SDCCAG8: variants seen among roughly 807,000 people sequenced by gnomAD.
The protein encoded by SDCCAG8 is serologically defined colon cancer antigen 8.
SDCCAG8 carries 74 observed loss-of-function variants against 101.8 expected under a neutral mutation model. The observed-to-expected ratio is 0.73, with a 90% CI of 0.60 to 0.88. SDCCAG8 has a LOEUF of 0.88. SDCCAG8 is among the 40% of genes least tolerant of loss of function. SDCCAG8 has a pLI of 0.00. For synonymous variants in SDCCAG8, 281 were observed against 292.9 expected (o/e 0.96, Z 0.41); for missense variants, 787 against 822.6 (o/e 0.96, Z 0.53).
At chr1:243,456,453 G>A (rs550993107) in intron 16 of SDCCAG8, among the ~76,000 whole-genome samples, 2 of 152,312 alleles carry the variant, frequency 1.3e-5, no homozygotes, top group South Asian at 4.1e-4. Flanking sequence ...TAGTGGCAGA[G>A]TAAATAGTAT....
chr1:243,286,664 A>G (rs1284608612), intron 5 of SDCCAG8, among the ~76,000 whole-genome samples: 4 of 152,186 alleles, frequency 2.6e-5, no homozygotes, highest in Admixed American at 2.6e-4. Context: ...GAAAGCAGGA[A>G]GTGTGTTATA....
At chr1:243,282,756 C>T (rs1250305592) in intron 4 of SDCCAG8, among the ~76,000 whole-genome samples, 4 of 152,114 alleles carry the variant, frequency 2.6e-5, no homozygotes, top group Admixed American at 2.0e-4. Context: ...CCTGTTTGCA[C>T]GGCTTCTGCA....
At chr1:243,394,881 T>G (rs1246253507) in intron 13 of SDCCAG8, among the ~76,000 whole-genome samples, 1 of 151,980 alleles carries the variant, frequency 6.6e-6, no homozygotes, top group African/African-American at 2.4e-5. Flanking sequence ...AAAATTTGTG[T>G]TTCAGGTGTT....
intron 17 of SDCCAG8, among the ~76,000 whole-genome samples, chr1:243,498,519 T>TCTAA (rs200884827): frequency 0.013 from 2,001 of 152,278 alleles, 43 homozygotes; most frequent in African/African-American, 0.046. Flanking sequence ...CCCCACCTAC[T>TCTAA]CTAACTACCC....
chr1:243,303,483 A>G (rs1039782987), intron 6 of SDCCAG8, among the ~76,000 whole-genome samples: 1 of 152,136 alleles, frequency 6.6e-6, no homozygotes, highest in Admixed American at 6.6e-5. Context: ...TGCCTCTGCC[A>G]TCCCTGAGAA....
intron 16 of SDCCAG8, chr1:243,476,417 T>C (rs1664845700): frequency 1.1e-6 from 1 of 942,616 alleles, no homozygotes; most frequent in Non-Finnish European, 1.3e-6. Context: ...CCCAATCTTA[T>C]GCCATCACAC....
At chr1:243,274,883 A>G (rs2068407521) in intron 4 of SDCCAG8, among the ~76,000 whole-genome samples, 1 of 152,164 alleles carries the variant, frequency 6.6e-6, no homozygotes, top group Admixed American at 6.5e-5. Flanking sequence ...GTTCATTACT[A>G]TGTCTAATGA....
intron 9 of SDCCAG8, among the ~76,000 whole-genome samples, chr1:243,317,205 A>T (rs1302817281): frequency 6.6e-6 from 1 of 152,166 alleles, no homozygotes; most frequent in African/African-American, 2.4e-5. Flanking sequence ...ACACCCAGGC[A>T]TTAGTTTGTA....
At chr1:243,391,060 A>T (rs915020671) in intron 13 of SDCCAG8, among the ~76,000 whole-genome samples, 11 of 152,162 alleles carry the variant, frequency 7.2e-5, no homozygotes, top group Admixed American at 5.2e-4. Context: ...GAGCCTTTCA[A>T]GTAGCTGGGA....
chr1:243,332,305 A>G (rs2074666202), intron 10 of SDCCAG8, among the ~76,000 whole-genome samples: 1 of 152,216 alleles, frequency 6.6e-6, no homozygotes, highest in Non-Finnish European at 1.5e-5. Flanking sequence ...AAGCCATTGA[A>G]TGGCTTTGAA....
At chr1:243,344,364 A>G (rs182468265) in intron 12 of SDCCAG8, 33 bp downstream of exon 12, 5 of 1,343,668 alleles carry the variant, frequency 3.7e-6, no homozygotes, top group Non-Finnish European at 5.3e-6. Context: ...TGCAGCAATT[A>G]TAGATATGAG....
rs1448626324 is a variant in SDCCAG8 at position 243,415,794 on chromosome 1, A to G, written c.1709A>G (p.Lys570Arg). Residue 570 changes from lysine (K) to arginine (R), a missense_variant, in exon 14 of 18, where the codon AAG becomes AGG. Lys to Arg is a conservative substitution (Grantham distance 26). Coordinates refer to ENST00000366541, the MANE Select transcript of SDCCAG8 (RefSeq NM_006642.5). ...AQQREQELTQKIQQMEAQHDK... is the reference protein window; with the variant it reads ...AQQREQELTQRIQQMEAQHDK... Reference sequence around the variant, plus strand: ...CAAAGAGAGCAGGAGCTGACACAGAAGATACAGCAAATGGAGGCCCAGCAT... The same window carrying G: ...CAAAGAGAGCAGGAGCTGACACAGAGGATACAGCAAATGGAGGCCCAGCAT... The G allele has an allele frequency of 2.5e-6, 4 of 1,613,738 alleles. No individual in the cohort carries two copies. The highest frequency in any genetic ancestry group is 3.4e-6 in the Non-Finnish European group (4 of 1,179,772).
At chr1:243,284,465 G>A (rs377258249) in intron 4 of SDCCAG8, among the ~76,000 whole-genome samples, 4 of 152,170 alleles carry the variant, frequency 2.6e-5, no homozygotes, top group South Asian at 2.1e-4. Context: ...AGAGGGAAGC[G>A]TTCAATAGTC....
chr1:243,452,108 G>A lies in SDCCAG8; in HGVS notation c.1985+25550G>A, dbSNP rs538501245. The stretch of plus-strand genomic sequence containing the variant: ...TACACCTGCGTGTGCATGCTCAGGC[G>A]TTTCCATGTGTGTGCACACACAGAC... On this transcript the variant is annotated intron_variant, in intron 16 of 17. Coordinates refer to ENST00000366541, the MANE Select transcript of SDCCAG8 (RefSeq NM_006642.5). Among the ~76,000 whole-genome samples, 159 of 152,248 alleles carry A rather than the reference G, an allele frequency of 1.0e-3. 1 individual carries two copies. Among genetic ancestry groups the A allele is most frequent in the African/African-American group, 3.5e-3 (146 of 41,566 alleles).
At chr1:243,329,646 C>T (rs2074445264) in intron 9 of SDCCAG8, among the ~76,000 whole-genome samples, 1 of 152,086 alleles carries the variant, frequency 6.6e-6, no homozygotes, top group South Asian at 2.1e-4. Flanking sequence ...TAGTACCTTA[C>T]TTTTATTAGG....
At chr1:243,276,549 T>C (rs1416324531) in intron 4 of SDCCAG8, among the ~76,000 whole-genome samples, 1 of 152,196 alleles carries the variant, frequency 6.6e-6, no homozygotes, top group Non-Finnish European at 1.5e-5. Context: ...GTATCCTCCT[T>C]TCAGTGACAT....
chr1:243,263,570 A>G (rs1336955818), intron 1 of SDCCAG8, among the ~76,000 whole-genome samples: 2 of 152,230 alleles, frequency 1.3e-5, no homozygotes, highest in Non-Finnish European at 2.9e-5. Flanking sequence ...TGCCAAAGAA[A>G]TACCAGGTGT....
chr1:243,359,565 G>T (rs956947519), intron 12 of SDCCAG8, among the ~76,000 whole-genome samples: 2 of 152,202 alleles, frequency 1.3e-5, no homozygotes, highest in Non-Finnish European at 2.9e-5. Flanking sequence ...ACTGTTCTGT[G>T]TGTACCTGGA....
chr1:243,307,780 A>T (rs995678316), intron 7 of SDCCAG8: 1 of 1,439,068 alleles, frequency 6.9e-7, no homozygotes, highest in African/African-American at 1.4e-5. Context: ...TATGTAATTT[A>T]TTCCAGTCTC....
Sources: gnomAD v4.1 joint callset for allele counts (sites outside exome capture counted in the v4.1 genomes callset) on GRCh38, gnomAD v4.1.1 for gene constraint, MANE v1.5 for transcripts, NCBI Gene and HGNC (gene_info 2026-07-23, HGNC 2026-07-21) for gene names.